Variants in DAB2 observed in about 807,000 individuals in gnomAD.
DAB2 encodes the protein disabled homolog 2.
In DAB2, 28 loss-of-function variants were observed where a neutral mutation model predicts 71.6. That is an observed-to-expected ratio of 0.39 (90% confidence interval 0.29 to 0.54). The LOEUF is 0.54. Ranked by LOEUF, DAB2 falls within the 20% of genes least tolerant of loss-of-function variation. The pLI is 0.68. For missense variants in DAB2, 867 were observed against 928.8 expected (o/e 0.93, Z 0.86); for synonymous variants, 345 against 339.7 (o/e 1.02, Z -0.17).
Position 39,388,336 on chromosome 5 carries a change from A to C in DAB2, c.656T>G (p.Met219Arg), listed in dbSNP as rs1282357478. 6.2e-7 allele frequency: 1 copy of C among 1,612,748 alleles called. No individual in the cohort carries two copies. Among genetic ancestry groups the C allele is most frequent in the East Asian group, 2.2e-5 (1 of 44,802 alleles). Residue 219 changes from methionine (M) to arginine (R), a missense_variant, in exon 9 of 15, where the codon ATG (methionine) becomes AGG (arginine). Coordinates refer to ENST00000320816, the MANE Select transcript of DAB2 (RefSeq NM_001343.4). ...GVDQMDLFGD[M>R]STPPDLNSPT... ...ACTATTTAGGTCAGGAGGTGTAGACATGTCCCCAAACAAATCCATCTGGTC... is the reference window on the plus strand; with the variant it reads ...ACTATTTAGGTCAGGAGGTGTAGACCTGTCCCCAAACAAATCCATCTGGTC...
chr5:39,403,710 T>C (rs1007712464), intron 1 of DAB2, among the ~76,000 whole-genome samples: 1 of 145,520 alleles, frequency 6.9e-6, no homozygotes, highest in Non-Finnish European at 1.5e-5. Flanking sequence ...TTTTAGTTTT[T>C]TTGGAATTTT....
chr5:39,417,114 C>CA (rs1264332214), intron 1 of DAB2: 1 of 151,800 alleles, frequency 6.6e-6, no homozygotes, highest in Non-Finnish European at 1.5e-5. Context: ...GAGAACACAT[C>CA]AACACAGGGA....
chr5:39,407,748 C>T (rs1033832197), intron 1 of DAB2, among the ~76,000 whole-genome samples: 1 of 152,176 alleles, frequency 6.6e-6, no homozygotes, highest in African/African-American at 2.4e-5. Flanking sequence ...ACTTTCTATT[C>T]AAGTGCCATG....
intron 9 of DAB2, among the ~76,000 whole-genome samples, chr5:39,384,262 C>T (rs1755045580): frequency 1.3e-5 from 2 of 152,184 alleles, no homozygotes; most frequent in South Asian, 4.1e-4. Context: ...AGTGCCAAAA[C>T]CTATATACAG....
intron 6 of DAB2, among the ~76,000 whole-genome samples, chr5:39,389,472 C>A (rs1268882922): frequency 6.6e-6 from 1 of 152,000 alleles, no homozygotes; most frequent in Non-Finnish European, 1.5e-5. Context: ...TCAGATAGAC[C>A]ATATTTATAT....
At chr5:39,419,980 A>G (rs939679929) in intron 1 of DAB2, among the ~76,000 whole-genome samples, 1 of 152,208 alleles carries the variant, frequency 6.6e-6, no homozygotes, top group Non-Finnish European at 1.5e-5. Flanking sequence ...TCCACTGAAG[A>G]AGTGAATCCT....
Position 39,372,841 on chromosome 5 carries a change from A to C in DAB2, c.*590T>G, listed in dbSNP as rs539048874. ...GAAATTGATCTTCAGAAAGAAGAGA[A>C]GCTATCTCTTTAAAAAGGTCCTTAA... On this transcript the variant is annotated 3_prime_UTR_variant, in exon 15 of 15. Coordinates refer to ENST00000320816, the MANE Select transcript of DAB2 (RefSeq NM_001343.4). The C allele has an allele frequency of 3.3e-5, 5 of 152,178 alleles. No homozygotes were observed. Among genetic ancestry groups the C allele is most frequent in the Non-Finnish European group, 7.3e-5 (5 of 68,042 alleles). The allele number at this position is 152,178 out of a possible 1,614,324, so 9.4% of individuals were successfully genotyped here.
At chr5:39,401,639 C>T (rs941229770) in intron 1 of DAB2, among the ~76,000 whole-genome samples, 4 of 152,196 alleles carry the variant, frequency 2.6e-5, no homozygotes, top group Admixed American at 2.0e-4. Flanking sequence ...ACTTACATAG[C>T]GACAGCTGCA....
At position 39,394,372 on chromosome 5, in the gene DAB2, A is replaced by T. The variant is rs1450902153; in HGVS notation, c.-52T>A. The T allele has an allele frequency of 7.4e-7, 1 of 1,354,252 alleles. No homozygotes were observed. Among genetic ancestry groups the T allele is most frequent in the Non-Finnish European group, 1.1e-6 (1 of 943,564 alleles). 83.9% of individuals were successfully genotyped at this position (1,354,252 alleles called of 1,614,324 possible). A position where few individuals can be genotyped will look rare whatever the true frequency, so the allele number is the denominator to read the frequency against. On this transcript the variant is annotated 5_prime_UTR_variant, in exon 2 of 15. Transcript: ENST00000320816. ...GTACCAGTGGACACTTGGTGACACC[A>T]GGCGATCCCGATGGAGAAGTCTCAA...
Position 39,381,506 on chromosome 5 carries a change from C to T in DAB2, c.1452G>A (p.Leu484=), listed in dbSNP as rs1458882687. ...GQPTALQPNP[L]DLFKTSAPAP... ...CAGGAGCACTTGTTTTGAAGAGATC[C>T]AGAGGGTTGGGCTGCAGGGCTGTAG... Residue 484 remains leucine (L), a synonymous_variant, in exon 11 of 15, where the codon CTG becomes CTA. Transcript: ENST00000320816. 6.2e-7 allele frequency: 1 copy of T among 1,614,066 alleles called. No homozygotes were observed. Among genetic ancestry groups the T allele is most frequent in the South Asian group, 1.1e-5 (1 of 91,080 alleles).
intron 1 of DAB2, chr5:39,408,782 C>T (rs1755659307): frequency 6.6e-6 from 1 of 152,156 alleles, no homozygotes; most frequent in Non-Finnish European, 1.5e-5. Flanking sequence ...GCCATCTCTC[C>T]TCTTGATACC....
chr5:39,393,308 A>G lies in DAB2; in HGVS notation c.177T>C (p.Asp59=). 1 of 1,613,932 alleles carries G rather than the reference A, an allele frequency of 6.2e-7. No individual in the cohort carries two copies. Among genetic ancestry groups the G allele is most frequent in the South Asian group, 1.1e-5 (1 of 91,072 alleles). ...KYKAKLIGID[D]VPDARGDKMS... is the part of the protein sequence containing the mutation. ...TTTTATCCCCTCTTGCATCTGGCAC[A>G]TCATCAATGCCAATCAGCTTGGCCT... The change falls in exon 3 of 15, where the codon GAT becomes GAC. Residue 59 remains aspartate (D), a synonymous_variant. Coordinates refer to ENST00000320816, the MANE Select transcript of DAB2 (RefSeq NM_001343.4).
chr5:39,407,833 C>T (rs752221608), intron 1 of DAB2, among the ~76,000 whole-genome samples: 17 of 152,164 alleles, frequency 1.1e-4, no homozygotes, highest in Non-Finnish European at 1.9e-4. Flanking sequence ...AGCATCTGTG[C>T]TATAAACATT....
At chr5:39,398,586 A>G (rs1755427403) in intron 1 of DAB2, among the ~76,000 whole-genome samples, 2 of 152,206 alleles carry the variant, frequency 1.3e-5, no homozygotes, top group South Asian at 4.1e-4. Context: ...GTAAGTCTCC[A>G]TTGTAGGCCA....
intron 9 of DAB2, among the ~76,000 whole-genome samples, chr5:39,386,484 C>T (rs1393485531): frequency 6.6e-6 from 1 of 152,126 alleles, no homozygotes; most frequent in Non-Finnish European, 1.5e-5. Context: ...ATGTCAAAGC[C>T]TAACCAGCAC....
At chr5:39,380,879 T>C (rs1365982170) in intron 11 of DAB2, among the ~76,000 whole-genome samples, 1 of 152,222 alleles carries the variant, frequency 6.6e-6, no homozygotes, top group African/African-American at 2.4e-5. Context: ...GGAGCTCCTA[T>C]GGCAGAAGTG....
At chr5:39,416,128 C>T (rs1465213993) in intron 1 of DAB2, among the ~76,000 whole-genome samples, 1 of 152,006 alleles carries the variant, frequency 6.6e-6, no homozygotes, top group African/African-American at 2.4e-5. Context: ...GTTCCTCCTC[C>T]CTAAAAAGCT....
intron 1 of DAB2, among the ~76,000 whole-genome samples, chr5:39,403,016 G>A (rs1297260460): frequency 6.6e-6 from 1 of 152,196 alleles, no homozygotes; most frequent in African/African-American, 2.4e-5. Context: ...AGATAAATTA[G>A]ATCACAGTCT....
intron 7 of DAB2, 104 bp from the exon 8 acceptor site, chr5:39,388,956 T>G (rs1755160161): frequency 1.1e-5 from 14 of 1,308,240 alleles, no homozygotes; most frequent in Non-Finnish European, 1.5e-5. Context: ...GGTATCATCT[T>G]TTAACTAAAC....
Sources: allele counts gnomAD v4.1 joint callset (sites outside exome capture counted in the v4.1 genomes callset), GRCh38; gene constraint gnomAD v4.1.1; transcripts MANE v1.5; gene names NCBI Gene and HGNC (gene_info 2026-07-23, HGNC 2026-07-21).